Variants in MYO5A observed in about 807,000 individuals in gnomAD.
The protein encoded by MYO5A is unconventional myosin-Va.
A neutral mutation model predicts 249.7 loss-of-function variants in MYO5A; 98 were observed. That is an observed-to-expected ratio of 0.39 (90% CI 0.33 to 0.46). The LOEUF is 0.46. Ranked by LOEUF, MYO5A falls within the 20% of genes least tolerant of loss-of-function variation. MYO5A has a pLI of 0.98. For synonymous variants in MYO5A, 778 were observed against 810.6 expected, an observed-to-expected ratio of 0.96 and a Z score of 0.68; for missense variants, 1,696 against 2,308.8, an observed-to-expected ratio of 0.73 and a Z score of 5.44.
intron 13 of MYO5A, among the ~76,000 whole-genome samples, chr15:52,388,631 C>T (rs932126964): frequency 1.4e-4 from 22 of 152,288 alleles, no homozygotes; most frequent in African/African-American, 5.3e-4. Flanking sequence ...ATATAAATTA[C>T]TCTCATTGCT....
At chr15:52,460,968 T>C (rs2141412026) in intron 1 of MYO5A, among the ~76,000 whole-genome samples, 1 of 152,362 alleles carries the variant, frequency 6.6e-6, no homozygotes. Flanking sequence ...TTTGTTTGTT[T>C]TTTGAGACAG....
chr15:52,447,081 T>C (rs2075907629), intron 1 of MYO5A, among the ~76,000 whole-genome samples: 2 of 151,952 alleles, frequency 1.3e-5, no homozygotes, highest in South Asian at 4.2e-4. Context: ...GGACATGAGA[T>C]TTGGAAGGGG....
intron 9 of MYO5A, among the ~76,000 whole-genome samples, chr15:52,401,616 T>A (rs950294603): frequency 6.6e-6 from 1 of 152,206 alleles, no homozygotes; most frequent in Non-Finnish European, 1.5e-5. Flanking sequence ...ATCATTATGA[T>A]GTTCTTAGGA....
intron 4 of MYO5A, 45 bp downstream of exon 4, chr15:52,425,785 A>C (rs372573071): frequency 6.2e-7 from 1 of 1,601,434 alleles, no homozygotes; most frequent in African/African-American, 1.3e-5. Flanking sequence ...AGAAATTATC[A>C]TATCTAATAA....
chr15:52,342,770 G>A (rs1174270813), intron 31 of MYO5A, among the ~76,000 whole-genome samples: 1 of 152,038 alleles, frequency 6.6e-6, no homozygotes, highest in Non-Finnish European at 1.5e-5. Context: ...CAGAAAATTA[G>A]TCAGGCATGT....
intron 40 of MYO5A, among the ~76,000 whole-genome samples, chr15:52,315,610 G>A (rs1041422338): frequency 6.6e-6 from 1 of 151,276 alleles, no homozygotes; most frequent in Non-Finnish European, 1.5e-5. Context: ...CTGACCTCAG[G>A]TGATCTGTCT....
intron 1 of MYO5A, among the ~76,000 whole-genome samples, chr15:52,483,708 G>C (rs985240664): frequency 6.6e-6 from 1 of 152,134 alleles, no homozygotes; most frequent in African/African-American, 2.4e-5. Context: ...TATGTTAAAA[G>C]ATATCCTGGC....
At chr15:52,435,265 C>CTTTTTTTTT (rs35456308) in intron 1 of MYO5A, among the ~76,000 whole-genome samples, 4 of 113,720 alleles carry the variant, frequency 3.5e-5, no homozygotes, top group Non-Finnish European at 7.0e-5. Flanking sequence ...ACGTTAACCT[C>CTTTTTTTTT]TTTTTTTTTT....
rs2075579695 is a variant in MYO5A at position 52,433,189 on chromosome 15, G to A, written c.124C>T (p.Leu42Phe). ...KPGDKVLLLH[L>F]EEGKDLEYHL... ...TGAGATCTCACCTTTCCTTCCTCGA[G>A]GTGAAGCAGGAGGACTTTATCTCCT... The change falls in exon 2 of 42, where the codon CTC becomes TTC. Residue 42 changes from leucine (L) to phenylalanine (F), a missense_variant. Leu to Phe is a conservative substitution (Grantham distance 22, BLOSUM62 0). Around this residue, in one of 5 missense-constraint regions of MYO5A, gnomAD observed 197 missense variants for 320.3 expected, o/e 0.62. Coordinates refer to ENST00000399233, the MANE Select transcript of MYO5A (RefSeq NM_001382347.1). 1 of 1,608,574 alleles carries A rather than the reference G, an allele frequency of 6.2e-7. No homozygotes were observed. The highest frequency in any genetic ancestry group is 1.3e-5 in the African/African-American group (1 of 74,744).
chr15:52,351,175 T>C (rs1000805609), intron 28 of MYO5A, 79 bp downstream of exon 28: 56 of 1,089,410 alleles, frequency 5.1e-5, no homozygotes, highest in Admixed American at 7.8e-5. Context: ...GTTTGCTGCA[T>C]TATAAACTGG....
intron 1 of MYO5A, among the ~76,000 whole-genome samples, chr15:52,524,491 C>A (rs1248782092): frequency 2.0e-5 from 3 of 151,802 alleles, no homozygotes; most frequent in Non-Finnish European, 4.4e-5. Context: ...GAGGTCGATA[C>A]TGCAATGAGC....
At chr15:52,457,906 T>C (rs1159596181) in intron 1 of MYO5A, among the ~76,000 whole-genome samples, 2 of 152,150 alleles carry the variant, frequency 1.3e-5, no homozygotes, top group Non-Finnish European at 2.9e-5. Context: ...GTATACATAA[T>C]AGAATACTAT....
chr15:52,528,282 C>T (rs370460859), intron 1 of MYO5A, among the ~76,000 whole-genome samples: 3 of 152,304 alleles, frequency 2.0e-5, no homozygotes, highest in Admixed American at 2.0e-4. Flanking sequence ...AAAGGTGATA[C>T]GGCCACCGTT....
intron 1 of MYO5A, among the ~76,000 whole-genome samples, chr15:52,454,050 A>G (rs2076071045): frequency 6.6e-6 from 1 of 152,130 alleles, no homozygotes; most frequent in Admixed American, 6.5e-5. Context: ...AAATTCTCCA[A>G]TCAAAAAAGA....
chr15:52,371,146 T>TAC (rs1055612212), intron 21 of MYO5A, among the ~76,000 whole-genome samples: 13 of 151,148 alleles, frequency 8.6e-5, no homozygotes, highest in African/African-American at 2.7e-4. Context: ...ACCCTCTCCC[T>TAC]ACACACACAC....
intron 1 of MYO5A, among the ~76,000 whole-genome samples, chr15:52,458,564 G>A (rs555226343): frequency 6.3e-4 from 95 of 151,866 alleles, no homozygotes; most frequent in African/African-American, 2.1e-3. Flanking sequence ...AGGCTGCAGT[G>A]AGCCATGTTT....
intron 22 of MYO5A, 139 bp downstream of exon 22, chr15:52,370,030 A>G: frequency 9.0e-7 from 1 of 1,116,966 alleles, no homozygotes; most frequent in Non-Finnish European, 1.4e-6. Context: ...CTTGGGAAAC[A>G]GTAATAATGA....
chr15:52,421,505 C>T (rs149694718), intron 4 of MYO5A, among the ~76,000 whole-genome samples: 102 of 151,994 alleles, frequency 6.7e-4, no homozygotes, highest in African/African-American at 2.4e-3. Flanking sequence ...GCAGGAGAGA[C>T]ATTATATTCT....
At chr15:52,500,717 C>G (rs150067919) in intron 1 of MYO5A, among the ~76,000 whole-genome samples, 2 of 152,038 alleles carry the variant, frequency 1.3e-5, no homozygotes, top group Non-Finnish European at 2.9e-5. Flanking sequence ...TGTAGAAATT[C>G]TTTATGGATT....
Sources: gnomAD v4.1 joint callset for allele counts (sites outside exome capture counted in the v4.1 genomes callset) on GRCh38, gnomAD v4.1.1 for gene constraint, gnomAD v4.1.1 regional missense constraint, MANE v1.5 for transcripts, NCBI Gene and HGNC (gene_info 2026-07-23, HGNC 2026-07-21) for gene names.